ZFAT: variants seen among roughly 807,000 people sequenced by gnomAD.
ZFAT encodes zinc finger and AT-hook domain containing.
Under a neutral mutation model 117.7 loss-of-function variants are expected in ZFAT, and 64 were observed. The observed-to-expected ratio is 0.54, with a 90% CI of 0.44 to 0.67. The LOEUF is 0.67. Ranked by LOEUF, ZFAT falls within the 30% of genes least tolerant of loss-of-function variation. ZFAT has a pLI of 0.00. For missense variants in ZFAT, 1,433 were observed against 1,584.5 expected (o/e 0.90, Z 1.62); for synonymous variants, 679 against 615.0 (o/e 1.10, Z -1.54).
chr8:134,654,543 C>T (rs138850080), intron 2 of ZFAT, among the ~76,000 whole-genome samples: 1,566 of 152,214 alleles, frequency 0.01, 10 homozygotes, highest in Non-Finnish European at 0.017. Context: ...AAGAGAAGGG[C>T]CCCACCAGTG....
At chr8:134,616,717 CG>C (rs1223137249) in intron 3 of ZFAT, among the ~76,000 whole-genome samples, 1 of 152,092 alleles carries the variant, frequency 6.6e-6, no homozygotes, top group African/African-American at 2.4e-5. Context: ...TCAGTCATGC[CG>C]TGAGCTTGCT....
chr8:134,523,358 G>A (rs1204980042), intron 12 of ZFAT, among the ~76,000 whole-genome samples: 3 of 152,124 alleles, frequency 2.0e-5, no homozygotes, highest in Non-Finnish European at 2.9e-5. Context: ...TGTAGCTCCA[G>A]CCCAGACTCC....
intron 11 of ZFAT, among the ~76,000 whole-genome samples, chr8:134,539,973 C>G (rs1169331991): frequency 6.6e-6 from 1 of 152,198 alleles, no homozygotes; most frequent in Non-Finnish European, 1.5e-5. Context: ...CAAACCTTCC[C>G]TGCCTACCTG....
chr8:134,573,604 T>C (rs1345421590), intron 10 of ZFAT, among the ~76,000 whole-genome samples: 1 of 152,198 alleles, frequency 6.6e-6, no homozygotes, highest in African/African-American at 2.4e-5. Context: ...GCAGCTCCAT[T>C]TCCCTTAAAA....
At chr8:134,609,411 G>C (rs185179168) in intron 4 of ZFAT, among the ~76,000 whole-genome samples, 36 of 152,156 alleles carry the variant, frequency 2.4e-4, no homozygotes, top group Non-Finnish European at 4.6e-4. Flanking sequence ...TCTCTTCTGG[G>C]CTTCTTATTT....
chr8:134,742,533 A>G, the ZFAT span, among the ~76,000 whole-genome samples: 1 of 152,106 alleles, frequency 6.6e-6, no homozygotes, highest in Non-Finnish European at 1.5e-5. Context: ...GTCACCCATT[A>G]TCCTCTGATC....
Position 134,601,701 on chromosome 8 carries a change from C to T in ZFAT, c.2018G>A (p.Cys673Tyr), listed in dbSNP as rs202196720. 2.1e-4 allele frequency: 332 copies of T among 1,613,250 alleles called. No homozygotes were observed. The highest frequency in any genetic ancestry group is 2.7e-4 in the Non-Finnish European group (314 of 1,179,548). The change falls in exon 6 of 16, where the codon TGT (cysteine) becomes TAT (tyrosine). Residue 673 changes from cysteine to tyrosine, a missense_variant. Physicochemically the swap from Cys to Tyr is radical, Grantham distance 194 (BLOSUM62 -2). Coordinates refer to ENST00000377838, the MANE Select transcript of ZFAT (RefSeq NM_020863.4). ...LSAGDPDPSR[C>Y]LRSNPAEASD... is the part of the protein sequence containing the mutation. ...GGCCTCAGCTGGGTTTGACCTGAGA[C>T]ACCTGCTGGGATCTGGGTCACCAGC... is the stretch of plus-strand genomic sequence containing the variant.
intron 1 of ZFAT, among the ~76,000 whole-genome samples, chr8:134,686,445 C>T (rs972146959): frequency 2.0e-5 from 3 of 152,022 alleles, no homozygotes; most frequent in Non-Finnish European, 2.9e-5. Context: ...GTTCAGTTTG[C>T]GAACATTCAC....
intron 1 of ZFAT, among the ~76,000 whole-genome samples, chr8:134,704,292 C>T (rs1834091024): frequency 6.6e-6 from 1 of 152,200 alleles, no homozygotes. Context: ...CTTCTCTCTA[C>T]CACCACAGGA....
At chr8:134,684,817 T>G (rs2131309617) in intron 1 of ZFAT, among the ~76,000 whole-genome samples, 1 of 152,172 alleles carries the variant, frequency 6.6e-6, no homozygotes, top group South Asian at 2.1e-4. Flanking sequence ...CAGCCTAACC[T>G]CAAAGTGCCA....
At chr8:134,783,277 T>C in the ZFAT span, among the ~76,000 whole-genome samples, 1 of 152,216 alleles carries the variant, frequency 6.6e-6, no homozygotes, top group Admixed American at 6.5e-5. Flanking sequence ...CCAGTATCGG[T>C]CCATGCCCGT....
chr8:134,586,233 A>G (rs1184972141), intron 9 of ZFAT, among the ~76,000 whole-genome samples: 2 of 152,222 alleles, frequency 1.3e-5, no homozygotes, highest in African/African-American at 4.8e-5. Context: ...AGTCGCTAAA[A>G]ATATTAGATT....
chr8:134,756,023 A>G, the ZFAT span, among the ~76,000 whole-genome samples: 1 of 152,026 alleles, frequency 6.6e-6, no homozygotes, highest in Non-Finnish European at 1.5e-5. Flanking sequence ...CTGGGATTCC[A>G]TCTCTTTTTT....
At chr8:134,727,313 A>G in the ZFAT span, among the ~76,000 whole-genome samples, 1 of 152,086 alleles carries the variant, frequency 6.6e-6, no homozygotes, top group East Asian at 1.9e-4. Context: ...AGTGATCTAG[A>G]TGGAGGAAGT....
At chr8:134,729,230 C>G in the ZFAT span, among the ~76,000 whole-genome samples, 1 of 152,240 alleles carries the variant, frequency 6.6e-6, no homozygotes, top group Non-Finnish European at 1.5e-5. Flanking sequence ...CTTTAGTAAA[C>G]TCTGTGACCC....
chr8:134,577,759 G>A (rs1825414859), intron 10 of ZFAT, among the ~76,000 whole-genome samples: 1 of 152,180 alleles, frequency 6.6e-6, no homozygotes, highest in African/African-American at 2.4e-5. Flanking sequence ...ACAGTACACT[G>A]GAGAAGGGTT....
At chr8:134,572,591 A>G (rs997296751) in intron 10 of ZFAT, among the ~76,000 whole-genome samples, 6 of 152,240 alleles carry the variant, frequency 3.9e-5, no homozygotes, top group African/African-American at 1.2e-4. Flanking sequence ...TCTTCACAAA[A>G]AAGAGCCAGT....
At chr8:134,513,280 C>G (rs1819997815) in intron 13 of ZFAT, among the ~76,000 whole-genome samples, 1 of 150,768 alleles carries the variant, frequency 6.6e-6, no homozygotes. Flanking sequence ...TCACTGCAAT[C>G]TCTGCCCGCC....
At chr8:134,521,967 T>C (rs973953424) in intron 12 of ZFAT, among the ~76,000 whole-genome samples, 5 of 152,146 alleles carry the variant, frequency 3.3e-5, no homozygotes, top group African/African-American at 1.2e-4. Flanking sequence ...TGGCTTCCCA[T>C]CCTTCTCTGC....
Sources: allele counts gnomAD v4.1 joint callset (sites outside exome capture counted in the v4.1 genomes callset), GRCh38; gene constraint gnomAD v4.1.1; transcripts MANE v1.5; gene names NCBI Gene and HGNC (gene_info 2026-07-23, HGNC 2026-07-21).